The following WWP2 variants were observed in gnomAD, a reference collection of about 807,000 sequenced individuals.
WWP2 encodes the protein NEDD4-like E3 ubiquitin-protein ligase WWP2.
WWP2 carries 57 observed loss-of-function variants against 121.0 expected under a neutral mutation model. The observed-to-expected ratio is 0.47, with a 90% CI of 0.38 to 0.59. The LOEUF (loss-of-function observed/expected upper bound fraction) is 0.59, where lower values mean the gene tolerates loss of function less well. Ranked by LOEUF, WWP2 falls within the 20% of genes least tolerant of loss-of-function variation. The pLI is 0.00. For missense variants in WWP2, 962 were observed against 1,158.9 expected, an observed-to-expected ratio of 0.83 and a Z score of 2.47; for synonymous variants, 449 against 441.3, an observed-to-expected ratio of 1.02 and a Z score of -0.22.
chr16:69,836,003 A>G (rs768844177), intron 4 of WWP2, among the ~76,000 whole-genome samples: 1 of 151,984 alleles, frequency 6.6e-6, no homozygotes, highest in African/African-American at 2.4e-5. Context: ...GGGTTTCACC[A>G]TGTTGGCCAG....
At chr16:69,876,350 T>G (rs896796287) in intron 7 of WWP2, among the ~76,000 whole-genome samples, 7 of 149,426 alleles carry the variant, frequency 4.7e-5, no homozygotes, top group Non-Finnish European at 7.4e-5. Context: ...GCATGTTTTT[T>G]GGGGTTTTTT....
intron 8 of WWP2, among the ~76,000 whole-genome samples, chr16:69,907,332 A>G (rs907690245): frequency 2.6e-5 from 4 of 152,206 alleles, no homozygotes; most frequent in Non-Finnish European, 4.4e-5. Flanking sequence ...AATCACGCAT[A>G]AGCAAATAGA....
At chr16:69,773,961 G>A (rs902206473) in intron 1 of WWP2, among the ~76,000 whole-genome samples, 1 of 151,536 alleles carries the variant, frequency 6.6e-6, no homozygotes, top group South Asian at 2.1e-4. Flanking sequence ...ATCACTTGGG[G>A]AATTTTTAAA....
At chr16:69,881,561 G>A (rs958945484) in intron 7 of WWP2, among the ~76,000 whole-genome samples, 2 of 152,204 alleles carry the variant, frequency 1.3e-5, no homozygotes, top group Non-Finnish European at 2.9e-5. Context: ...ATTGGCAAAT[G>A]TGCCATGATT....
intron 11 of WWP2, among the ~76,000 whole-genome samples, chr16:69,927,630 G>C (rs1282589375): frequency 2.0e-5 from 3 of 152,238 alleles, no homozygotes; most frequent in Non-Finnish European, 4.4e-5. Flanking sequence ...CCCTGGCCCT[G>C]TGGTTAGCCT....
chr16:69,778,349 C>G (rs1597650385), intron 1 of WWP2, among the ~76,000 whole-genome samples: 1 of 151,972 alleles, frequency 6.6e-6, no homozygotes, highest in East Asian at 1.9e-4. Flanking sequence ...AACATTGACC[C>G]CCTTCTCCCT....
chr16:69,818,407 A>G (rs1596994016), intron 4 of WWP2, among the ~76,000 whole-genome samples: 1 of 151,964 alleles, frequency 6.6e-6, no homozygotes, highest in African/African-American at 2.4e-5. Context: ...GGGTTTCACC[A>G]TGTTGACTAG....
At chr16:69,889,150 C>T (rs1297797198) in intron 8 of WWP2, among the ~76,000 whole-genome samples, 1 of 151,720 alleles carries the variant, frequency 6.6e-6, no homozygotes, top group East Asian at 1.9e-4. Context: ...CCTGCCTACA[C>T]ACACACACAC....
Position 69,862,379 on chromosome 16 carries a change from T to C in WWP2, c.576-9425T>C, listed in dbSNP as rs9923471. Among the ~76,000 whole-genome samples the C allele has an allele frequency of 9.8e-3, 1,478 of 151,092 alleles. 30 individuals are homozygous for C. Among genetic ancestry groups the C allele is most frequent in the African/African-American group, 0.033 (1,343 of 41,118 alleles). ...CGCGCCTGGCCCTTGTTTTGTTTTT[T>C]TGAGATGGAGTCTCGCTGTGTCACC... On this transcript the variant is annotated intron_variant, in intron 6 of 23. Coordinates refer to ENST00000359154, the MANE Select transcript of WWP2 (RefSeq NM_001270454.2).
chr16:69,881,121 C>T (rs1157864301), intron 7 of WWP2, among the ~76,000 whole-genome samples: 1 of 152,206 alleles, frequency 6.6e-6, no homozygotes, highest in African/African-American at 2.4e-5. Flanking sequence ...GGCCATGCAA[C>T]TGCCATCTTA....
rs1287152559 is a variant in WWP2, at chr16:69,937,695, C to T, written c.2343+43C>T. 6.2e-7 allele frequency: 1 copy of T among 1,602,158 alleles called. No homozygotes were observed. Among genetic ancestry groups the T allele is most frequent in the Non-Finnish European group, 8.5e-7 (1 of 1,170,752 alleles). ...GCCTTGGCAGGGACATTTGGGCCATCAACCAAAGGAAACGGGTCCTGAGGA... is the reference window on the plus strand; with the variant it reads ...GCCTTGGCAGGGACATTTGGGCCATTAACCAAAGGAAACGGGTCCTGAGGA... On this transcript the variant is annotated intron_variant, in intron 21 of 23. Transcript: ENST00000359154. The surrounding 1 kb of genome is among the most constrained non-coding windows in gnomAD (Gnocchi z 6.6).
At chr16:69,808,950 T>C (rs1255897319) in intron 4 of WWP2, among the ~76,000 whole-genome samples, 1 of 152,182 alleles carries the variant, frequency 6.6e-6, no homozygotes, top group African/African-American at 2.4e-5. Context: ...ACACCATCAG[T>C]TTTCTAGTGT....
In WWP2 at chr16:69,940,005, C is replaced by G; in HGVS notation, c.*65C>G. 1 of 1,371,434 alleles carries G rather than the reference C, an allele frequency of 7.3e-7. No homozygotes were observed. The highest frequency in any genetic ancestry group is 1.0e-6 in the Non-Finnish European group (1 of 987,176). The allele number at this position is 1,371,434 out of a possible 1,614,324, so 85.0% of individuals were successfully genotyped here. A position where few individuals can be genotyped will look rare whatever the true frequency, so the allele number is the denominator to read the frequency against. Reference sequence around the variant, plus strand: ...TCCTGAGTCCTCCCTGCCTGAGAGGCCACTGGCCCCGCAGCCCTTGGGAGG... The same window carrying G: ...TCCTGAGTCCTCCCTGCCTGAGAGGGCACTGGCCCCGCAGCCCTTGGGAGG... On this transcript the variant is annotated 3_prime_UTR_variant, in exon 24 of 24. Coordinates refer to ENST00000359154, the MANE Select transcript of WWP2 (RefSeq NM_001270454.2).
intron 8 of WWP2, among the ~76,000 whole-genome samples, chr16:69,897,260 G>A (rs2058119854): frequency 6.6e-6 from 1 of 151,978 alleles, no homozygotes; most frequent in Admixed American, 6.6e-5. Context: ...ATCCTACCAT[G>A]CCAGGCTAAT....
At chr16:69,919,568 C>T (rs986323180) in intron 10 of WWP2, among the ~76,000 whole-genome samples, 3 of 152,178 alleles carry the variant, frequency 2.0e-5, no homozygotes, top group Non-Finnish European at 4.4e-5. Context: ...CTCCCAGTTC[C>T]ACCTGCTGGA....
At chr16:69,933,175 G>A (rs766064924) in intron 16 of WWP2, 1 of 491,788 alleles carries the variant, frequency 2.0e-6, no homozygotes, top group Admixed American at 2.2e-5. Context: ...AGGATACCGG[G>A]GCACCCTCTG....
chr16:69,916,649 T>C (rs2058483324), intron 9 of WWP2, among the ~76,000 whole-genome samples: 1 of 152,156 alleles, frequency 6.6e-6, no homozygotes, highest in African/African-American at 2.4e-5. Flanking sequence ...GGAATGATGT[T>C]GGCCTGGTTT....
chr16:69,864,653 C>T (rs1005521231), intron 6 of WWP2, among the ~76,000 whole-genome samples: 1 of 150,620 alleles, frequency 6.6e-6, no homozygotes, highest in Non-Finnish European at 1.5e-5. Flanking sequence ...GGGGTTCAAG[C>T]GATCTCCTGC....
Position 69,788,775 on chromosome 16 carries a change from T to C in WWP2, c.70+1695T>C, listed in dbSNP as rs555484302. ...TAAGATCCACAGTAAGAGATTTTTGTCGCTTTGGTCACTGTTAACTACCCC... is the reference window on the plus strand; with the variant it reads ...TAAGATCCACAGTAAGAGATTTTTGCCGCTTTGGTCACTGTTAACTACCCC... On this transcript the variant is annotated intron_variant, in intron 2 of 23. Coordinates refer to ENST00000359154, the MANE Select transcript of WWP2 (RefSeq NM_001270454.2). 8.5e-5 allele frequency among the ~76,000 whole-genome samples: 13 copies of C among 152,324 alleles called. No individual in the cohort carries two copies. The South Asian group carries it at 1.7e-3, about 19-fold the overall frequency.
Sources: allele counts gnomAD v4.1 joint callset (sites outside exome capture counted in the v4.1 genomes callset), GRCh38; gene constraint gnomAD v4.1.1; non-coding constraint Gnocchi (gnomAD v3.1); transcripts MANE v1.5; gene names NCBI Gene and HGNC (gene_info 2026-07-23, HGNC 2026-07-21).